RNLS: variants seen among roughly 807,000 people sequenced by gnomAD.
RNLS encodes renalase.
A neutral mutation model predicts 39.8 loss-of-function variants in RNLS; 39 were observed. The observed-to-expected ratio is 0.98, with a 90% CI of 0.76 to 1.28. The LOEUF is 1.28. Among genes scored for constraint, RNLS ranks in the 50% most tolerant of loss-of-function variants. The pLI, the probability that RNLS is intolerant of heterozygous loss-of-function variation, is 0.00. For synonymous variants in RNLS, 147 were observed against 150.7 expected, an observed-to-expected ratio of 0.98 and a Z score of 0.18; for missense variants, 410 against 413.3, an observed-to-expected ratio of 0.99 and a Z score of 0.07.
chr10:88,534,433 C>T (rs1478904040), intron 4 of RNLS, among the ~76,000 whole-genome samples: 3 of 152,002 alleles, frequency 2.0e-5, no homozygotes, highest in Non-Finnish European at 4.4e-5. Flanking sequence ...ATACTAACTA[C>T]AATTATAAGA....
Position 88,414,904 on chromosome 10 carries a change from G to A in RNLS, c.527-52179C>T, listed in dbSNP as rs148852002. Among the ~76,000 whole-genome samples the A allele has an allele frequency of 1.8e-3, 276 of 152,266 alleles. 2 individuals are homozygous for A. The highest frequency in any genetic ancestry group is 6.4e-3 in the African/African-American group (264 of 41,554). ...GGAATTCTTTTGAGAGGAGCATTCA[G>A]GAAGTCAGCCTGTGGGTATCTAGAG... On this transcript the variant is annotated intron_variant, in intron 4 of 6. Transcript: ENST00000331772.
intron 6 of RNLS, among the ~76,000 whole-genome samples, chr10:88,295,941 C>T (rs767731799): frequency 2.0e-5 from 3 of 152,064 alleles, no homozygotes; most frequent in Non-Finnish European, 2.9e-5. Flanking sequence ...GAATGAAATA[C>T]GGTTTTCTCT....
intron 4 of RNLS, among the ~76,000 whole-genome samples, chr10:88,418,340 G>T (rs990431847): frequency 2.0e-5 from 3 of 152,056 alleles, no homozygotes; most frequent in African/African-American, 7.2e-5. Context: ...GATGTATGTG[G>T]CCCATTTGAA....
At chr10:88,357,967 C>T (rs1849317503) in intron 5 of RNLS, among the ~76,000 whole-genome samples, 1 of 152,178 alleles carries the variant, frequency 6.6e-6, no homozygotes, top group Non-Finnish European at 1.5e-5. Context: ...AAATAAACCT[C>T]AGTCATGTTC....
At chr10:88,461,186 C>A (rs1277295391) in intron 4 of RNLS, among the ~76,000 whole-genome samples, 1 of 152,080 alleles carries the variant, frequency 6.6e-6, no homozygotes, top group African/African-American at 2.4e-5. Flanking sequence ...TACTGAACTT[C>A]TAAACTCAAG....
At chr10:88,503,532 A>G (rs1175057930) in intron 4 of RNLS, among the ~76,000 whole-genome samples, 1 of 152,216 alleles carries the variant, frequency 6.6e-6, no homozygotes, top group Non-Finnish European at 1.5e-5. Flanking sequence ...ATAACCTGGA[A>G]CCATCATTAG....
the RNLS span, among the ~76,000 whole-genome samples, chr10:88,264,544 T>C: frequency 6.6e-6 from 1 of 152,216 alleles, no homozygotes; most frequent in African/African-American, 2.4e-5. Flanking sequence ...CACATTGTGG[T>C]TTTGATGTGC....
At chr10:88,282,678 C>G (rs575281665), downstream of RNLS, among the ~76,000 whole-genome samples, 25 of 152,138 alleles carry the variant, frequency 1.6e-4, no homozygotes, top group East Asian at 1.2e-3. Flanking sequence ...GCCCTCCCCC[C>G]AGTAATATCT....
At chr10:88,420,215 A>G (rs984345014) in intron 4 of RNLS, among the ~76,000 whole-genome samples, 1 of 152,012 alleles carries the variant, frequency 6.6e-6, no homozygotes, top group South Asian at 2.1e-4. Context: ...CAATATTTTT[A>G]TTATTATACA....
intron 3 of RNLS, among the ~76,000 whole-genome samples, chr10:88,579,167 A>T (rs1206740601): frequency 1.3e-5 from 2 of 152,200 alleles, no homozygotes; most frequent in African/African-American, 4.8e-5. Flanking sequence ...ATGATTGGAC[A>T]AAGGGTTATA....
At chr10:88,220,389 A>G in the RNLS span, among the ~76,000 whole-genome samples, 1 of 152,088 alleles carries the variant, frequency 6.6e-6, no homozygotes, top group Non-Finnish European at 1.5e-5. Flanking sequence ...CATTCTATGA[A>G]CTTCCCTGGC....
the RNLS span, among the ~76,000 whole-genome samples, chr10:88,199,407 G>GCA: frequency 6.6e-6 from 1 of 152,136 alleles, no homozygotes; most frequent in Non-Finnish European, 1.5e-5. Flanking sequence ...TCTGTCCCAA[G>GCA]CACTGTAGGA....
chr10:88,571,649 T>C (rs1849846718), intron 4 of RNLS, among the ~76,000 whole-genome samples: 1 of 152,192 alleles, frequency 6.6e-6, no homozygotes, highest in Non-Finnish European at 1.5e-5. Flanking sequence ...CTTGGAGAAA[T>C]GTATCCTCCC....
chr10:88,250,546 C>G, the RNLS span, among the ~76,000 whole-genome samples: 1 of 152,200 alleles, frequency 6.6e-6, no homozygotes, highest in African/African-American at 2.4e-5. Flanking sequence ...GCACAGCCCT[C>G]AACAATTCAG....
At chr10:88,180,590 G>A in the RNLS span, among the ~76,000 whole-genome samples, 1 of 152,290 alleles carries the variant, frequency 6.6e-6, no homozygotes, top group African/African-American at 2.4e-5. Context: ...ACGTGTGCGT[G>A]TGTTGTAGAT....
chr10:88,241,055 T>C, the RNLS span, among the ~76,000 whole-genome samples: 1 of 151,410 alleles, frequency 6.6e-6, no homozygotes, highest in Non-Finnish European at 1.5e-5. Flanking sequence ...TATTTATATA[T>C]ATATTCCATC....
the RNLS span, among the ~76,000 whole-genome samples, chr10:88,217,589 G>C: frequency 3.3e-5 from 5 of 152,058 alleles, no homozygotes; most frequent in Non-Finnish European, 7.4e-5. Context: ...AAATAAAACA[G>C]AGGGTCTCAG....
chr10:88,555,797 T>C (rs932478139), intron 4 of RNLS, among the ~76,000 whole-genome samples: 3 of 152,134 alleles, frequency 2.0e-5, no homozygotes, highest in Admixed American at 6.6e-5. Context: ...TGGGACAACA[T>C]ACATGTTTGG....
chr10:88,506,673 A>G (rs1287959260), intron 4 of RNLS, among the ~76,000 whole-genome samples: 1 of 152,034 alleles, frequency 6.6e-6, no homozygotes, highest in African/African-American at 2.4e-5. Flanking sequence ...CTTTTTTCCA[A>G]CTGTTTTTCA....
Sources: gnomAD v4.1 joint callset for allele counts (sites outside exome capture counted in the v4.1 genomes callset) on GRCh38, gnomAD v4.1.1 for gene constraint, MANE v1.5 for transcripts, NCBI Gene and HGNC (gene_info 2026-07-23, HGNC 2026-07-21) for gene names.